GUCA1C: variants seen among roughly 807,000 people sequenced by gnomAD.
GUCA1C encodes the protein guanylate cyclase activator 1C, also known as guanylyl cyclase-activating protein 3.
A neutral mutation model predicts 16.2 loss-of-function variants in GUCA1C; 15 were observed. That is an observed-to-expected ratio of 0.93 (90% confidence interval 0.62 to 1.43). The LOEUF (loss-of-function observed/expected upper bound fraction) is 1.43. Among genes scored for constraint, GUCA1C ranks in the 40% most tolerant of loss-of-function variants. GUCA1C has a pLI of 0.00. For synonymous variants in GUCA1C, 78 were observed against 85.4 expected, an observed-to-expected ratio of 0.91 and a Z score of 0.48; for missense variants, 275 against 244.8, an observed-to-expected ratio of 1.12 and a Z score of -0.82.
At chr3:108,916,845 C>T (rs1946523073) in intron 2 of GUCA1C, among the ~76,000 whole-genome samples, 1 of 152,148 alleles carries the variant, frequency 6.6e-6, no homozygotes, top group African/African-American at 2.4e-5. Context: ...ATGACCCAGA[C>T]TTGACATAGA....
chr3:108,934,034 G>T (rs964500870), intron 1 of GUCA1C, among the ~76,000 whole-genome samples: 1 of 152,132 alleles, frequency 6.6e-6, no homozygotes, highest in South Asian at 2.1e-4. Context: ...GCAGGGACAT[G>T]GATGAATCTG....
chr3:108,924,083 C>T (rs1321638569), intron 1 of GUCA1C, among the ~76,000 whole-genome samples: 1 of 152,074 alleles, frequency 6.6e-6, no homozygotes, highest in Non-Finnish European at 1.5e-5. Flanking sequence ...TATATGATCA[C>T]ATCATCAGCA....
intron 1 of GUCA1C, among the ~76,000 whole-genome samples, chr3:108,938,157 A>G (rs995307346): frequency 2.6e-5 from 4 of 152,206 alleles, no homozygotes; most frequent in Non-Finnish European, 5.9e-5. Context: ...TTAGGAAAAC[A>G]ATCCATCTCC....
At chr3:108,938,025 G>GCTCACTCTGCGATCGCT (rs1946746101) in intron 1 of GUCA1C, among the ~76,000 whole-genome samples, 1 of 151,356 alleles carries the variant, frequency 6.6e-6, no homozygotes, top group East Asian at 1.9e-4. Flanking sequence ...AGCCGAGATC[G>GCTCACTCTGCGATCGCT]CACCACTGCA....
In GUCA1C at chr3:108,926,992, C is replaced by T. The variant is rs114851313; in HGVS notation, c.205-6407G>A. Among the ~76,000 whole-genome samples, 1,110 of 152,170 alleles carry T rather than the reference C, an allele frequency of 7.3e-3. 11 individuals are homozygous for T. The highest frequency in any genetic ancestry group is 0.025 in the African/African-American group (1,034 of 41,500). ...GTATCTTTCCTTCATTTATGAAGCT[C>T]GGTTTCACTGGATACAAAATTCTTG... On this transcript the variant is annotated intron_variant, in intron 1 of 3. Transcript: ENST00000261047.
rs1946408172 is a variant in GUCA1C, at chr3:108,907,890, A to G, written c.*132T>C. On this transcript the variant is annotated 3_prime_UTR_variant, in exon 4 of 4. Coordinates refer to ENST00000261047, the MANE Select transcript of GUCA1C (RefSeq NM_005459.4). ...ATGCAAGTCTCTACTGGATTAAAATAAGTGCTATATTCACAAGCCTATATG... is the reference window on the plus strand; with the variant it reads ...ATGCAAGTCTCTACTGGATTAAAATGAGTGCTATATTCACAAGCCTATATG... 1.6e-6 allele frequency: 1 copy of G among 637,606 alleles called. No homozygotes were observed. The highest frequency in any genetic ancestry group is 2.7e-6 in the Non-Finnish European group (1 of 368,158). The allele number at this position is 637,606 out of a possible 1,614,324, so 39.5% of individuals were successfully genotyped here. A position where few individuals can be genotyped will look rare whatever the true frequency, so the allele number is the denominator to read the frequency against.
intron 3 of GUCA1C, among the ~76,000 whole-genome samples, chr3:108,913,834 G>A (rs1013254465): frequency 7.2e-5 from 11 of 152,172 alleles, no homozygotes; most frequent in African/African-American, 2.2e-4. Context: ...TTGGGAGGCT[G>A]AGGAGGGTGG....
At chr3:108,916,011 T>C in intron 3 of GUCA1C, 116 bp downstream of exon 3, 2 of 1,263,124 alleles carry the variant, frequency 1.6e-6, no homozygotes, top group Non-Finnish European at 2.2e-6. Context: ...TTATGAAGCC[T>C]AAGTCACAAC....
At chr3:108,922,837 G>A (rs1334556880) in intron 1 of GUCA1C, among the ~76,000 whole-genome samples, 2 of 151,996 alleles carry the variant, frequency 1.3e-5, no homozygotes, top group Non-Finnish European at 2.9e-5. Context: ...CCTACCCGCC[G>A]ACAGGCCCCT....
upstream of GUCA1C, among the ~76,000 whole-genome samples, chr3:108,954,622 G>C (rs1946930628): frequency 6.6e-6 from 1 of 152,130 alleles, no homozygotes; most frequent in Admixed American, 6.5e-5. Context: ...CCAAGGTCCA[G>C]TAGTGGAAAT....
chr3:108,929,721 TTTC>T (rs756957200), intron 1 of GUCA1C, among the ~76,000 whole-genome samples: 7 of 152,350 alleles, frequency 4.6e-5, no homozygotes, highest in East Asian at 1.9e-4. Context: ...CTTCAATGCC[TTTC>T]TTCTTCTGAA....
At chr3:108,915,749 G>A (rs1946503085) in intron 3 of GUCA1C, among the ~76,000 whole-genome samples, 1 of 152,058 alleles carries the variant, frequency 6.6e-6, no homozygotes, top group Non-Finnish European at 1.5e-5. Context: ...GAAAACTTGA[G>A]TTTATTTATA....
rs776914409 is a variant in GUCA1C at position 108,920,587 on chromosome 3, T to C, written c.205-2A>G. 45 of 1,430,882 alleles carry C rather than the reference T, an allele frequency of 3.1e-5. No homozygotes were observed. Among genetic ancestry groups the C allele is most frequent in the Non-Finnish European group, 3.9e-5 (40 of 1,020,636 alleles). 88.6% of individuals were successfully genotyped at this position (1,430,882 alleles called of 1,614,324 possible). A position where few individuals can be genotyped will look rare whatever the true frequency, so the allele number is the denominator to read the frequency against. ...CTCCAAAAAGTCAACAAATCCATCC[T>C]ATGGAAAGTAAGATGAAAAGAGAAA... On this transcript the variant is annotated splice_acceptor_variant, in intron 1 of 3. Coordinates refer to ENST00000261047, the MANE Select transcript of GUCA1C (RefSeq NM_005459.4). LOFTEE classifies it high-confidence loss of function.
At chr3:108,936,070 G>C (rs1368713216) in intron 1 of GUCA1C, among the ~76,000 whole-genome samples, 1 of 152,082 alleles carries the variant, frequency 6.6e-6, no homozygotes, top group Non-Finnish European at 1.5e-5. Context: ...CTTGAAACCA[G>C]CCTGGGCAAC....
At chr3:108,914,171 CG>C (rs1248256207) in intron 3 of GUCA1C, among the ~76,000 whole-genome samples, 2 of 151,954 alleles carry the variant, frequency 1.3e-5, no homozygotes, top group African/African-American at 4.8e-5. Flanking sequence ...TTTTTTCTGT[CG>C]CTGACTTATT....
intron 1 of GUCA1C, among the ~76,000 whole-genome samples, chr3:108,947,210 AAAGT>A (rs1428793614): frequency 6.6e-6 from 1 of 152,236 alleles, no homozygotes; most frequent in Non-Finnish European, 1.5e-5. Flanking sequence ...TTCTAACAAT[AAAGT>A]AAGCTAGAGA....
chr3:108,919,826 T>C (rs752909206), intron 2 of GUCA1C, among the ~76,000 whole-genome samples: 1 of 152,192 alleles, frequency 6.6e-6, no homozygotes, highest in Non-Finnish European at 1.5e-5. Context: ...ATTCATAATA[T>C]TAATTACACC....
intron 1 of GUCA1C, among the ~76,000 whole-genome samples, chr3:108,923,286 T>A (rs1428106210): frequency 6.6e-6 from 1 of 152,234 alleles, no homozygotes; most frequent in Non-Finnish European, 1.5e-5. Context: ...TCTTCTAGAA[T>A]CTTTATGGTT....
intron 2 of GUCA1C, among the ~76,000 whole-genome samples, chr3:108,918,436 C>G (rs770114999): frequency 1.3e-5 from 2 of 152,110 alleles, no homozygotes; most frequent in Non-Finnish European, 2.9e-5. Context: ...AAATGTGCAC[C>G]CTTGCTGCCA....
Sources: gnomAD v4.1 joint callset for allele counts (sites outside exome capture counted in the v4.1 genomes callset) on GRCh38, gnomAD v4.1.1 for gene constraint, MANE v1.5 for transcripts, NCBI Gene and HGNC (gene_info 2026-07-23, HGNC 2026-07-21) for gene names.